The following GRID2 variants were observed in gnomAD, a reference collection of about 807,000 sequenced individuals.
GRID2 encodes glutamate ionotropic receptor delta type subunit 2.
A neutral mutation model predicts 114.8 loss-of-function variants in GRID2; 33 were observed. The observed-to-expected ratio is 0.29, with a 90% CI of 0.22 to 0.38. The LOEUF (loss-of-function observed/expected upper bound fraction) is 0.38, where lower values mean the gene tolerates loss of function less well. Ranked by LOEUF, GRID2 falls within the 10% of genes least tolerant of loss-of-function variation. The pLI is 1.00. For missense variants in GRID2, 1,184 were observed against 1,257.7 expected (o/e 0.94, Z 0.89); for synonymous variants, 505 against 449.9 (o/e 1.12, Z -1.55).
chr4:92,531,098 AAAAAT>A lies in GRID2; in HGVS notation c.89-59023_89-59019del, dbSNP rs891564578. Among the ~76,000 whole-genome samples, 43 of 152,272 alleles carry A rather than the reference AAAAAT, an allele frequency of 2.8e-4. No homozygotes were observed. In the South Asian group the frequency reaches 5.0e-3, roughly 18 times the overall value. Reference sequence around the variant, plus strand: ...CCTTGGATTTTATTTAAAATCAAACAAAAATAAAATAAAAAAACTTTGTGGGGGGA... The same window carrying A: ...CCTTGGATTTTATTTAAAATCAAACAAAAATAAAAAAACTTTGTGGGGGGA... On this transcript the variant is annotated intron_variant, in intron 1 of 15. Transcript: ENST00000282020.
At chr4:92,998,569 C>A (rs1256898974) in intron 2 of GRID2, among the ~76,000 whole-genome samples, 1 of 151,760 alleles carries the variant, frequency 6.6e-6, no homozygotes, top group Non-Finnish European at 1.5e-5. Flanking sequence ...AATTGATTTT[C>A]TTTGGCATGT....
At chr4:92,558,712 T>C (rs1726979846) in intron 1 of GRID2, among the ~76,000 whole-genome samples, 1 of 152,170 alleles carries the variant, frequency 6.6e-6, no homozygotes, top group Non-Finnish European at 1.5e-5. Flanking sequence ...TAGGGTTATC[T>C]ATCTGTGAAC....
intron 13 of GRID2, among the ~76,000 whole-genome samples, chr4:93,621,788 A>T (rs28516024): frequency 0.025 from 3,804 of 152,310 alleles, 172 homozygotes; most frequent in African/African-American, 0.087. Flanking sequence ...GCAACCTTTC[A>T]TTGCCATTGC....
chr4:92,856,649 G>T (rs1237070492), intron 2 of GRID2, among the ~76,000 whole-genome samples: 1 of 152,074 alleles, frequency 6.6e-6, no homozygotes, highest in Non-Finnish European at 1.5e-5. Context: ...TAAGTTAAAG[G>T]ATATCACTGT....
intron 8 of GRID2, among the ~76,000 whole-genome samples, chr4:93,262,157 T>C (rs1750325857): frequency 6.6e-6 from 1 of 151,852 alleles, no homozygotes; most frequent in African/African-American, 2.4e-5. Context: ...GTTACTATAT[T>C]TGAGCTTAAG....
intron 2 of GRID2, among the ~76,000 whole-genome samples, chr4:93,004,163 G>T (rs1263248950): frequency 6.6e-6 from 1 of 151,760 alleles, no homozygotes; most frequent in African/African-American, 2.4e-5. Context: ...GCTGATAAAA[G>T]ATTATGAACC....
intron 2 of GRID2, among the ~76,000 whole-genome samples, chr4:92,669,927 A>G (rs1732974015): frequency 1.3e-5 from 2 of 152,040 alleles, no homozygotes; most frequent in Admixed American, 1.3e-4. Flanking sequence ...GAACTTCCAG[A>G]TATATTCTGT....
At chr4:93,356,600 T>C (rs1202750211) in intron 8 of GRID2, among the ~76,000 whole-genome samples, 1 of 151,904 alleles carries the variant, frequency 6.6e-6, no homozygotes, top group Non-Finnish European at 1.5e-5. Context: ...AATTAAACAG[T>C]TATGAAAACT....
chr4:93,295,095 G>A (rs1020453453), intron 8 of GRID2, among the ~76,000 whole-genome samples: 1 of 152,264 alleles, frequency 6.6e-6, no homozygotes, highest in Middle Eastern at 3.4e-3. Flanking sequence ...TAAATCTTAT[G>A]TTAAAATGCC....
rs145751475 is a variant in GRID2, at chr4:93,162,245, A to G, written c.736-45159A>G. ...TTTATCAGAATTGTAATAAGTTACC[A>G]TAAATTAACACTGAATATGAAGACA... On this transcript the variant is annotated intron_variant, in intron 4 of 15. Coordinates refer to ENST00000282020, the MANE Select transcript of GRID2 (RefSeq NM_001510.4). Among the ~76,000 whole-genome samples, 655 of 152,112 alleles carry G rather than the reference A, an allele frequency of 4.3e-3. 9 individuals carry two copies. The highest frequency in any genetic ancestry group is 0.015 in the African/African-American group (632 of 41,558).
At chr4:93,274,516 G>A (rs1053315584) in intron 8 of GRID2, among the ~76,000 whole-genome samples, 4 of 152,074 alleles carry the variant, frequency 2.6e-5, no homozygotes, top group Admixed American at 6.6e-5. Flanking sequence ...GTCTCATACT[G>A]CATGTGGGTA....
At chr4:93,461,112 ACCTTTCTATCC>A (rs1347284243) in intron 11 of GRID2, among the ~76,000 whole-genome samples, 1 of 152,198 alleles carries the variant, frequency 6.6e-6, no homozygotes, top group Non-Finnish European at 1.5e-5. Context: ...TATGTTAAAT[ACCTTTCTATCC>A]CACTGCTCCC....
intron 1 of GRID2, among the ~76,000 whole-genome samples, chr4:92,572,034 A>G (rs1727649300): frequency 6.6e-6 from 1 of 152,220 alleles, no homozygotes; most frequent in Non-Finnish European, 1.5e-5. Context: ...AACTAAGATC[A>G]GAGCAGAACT....
intron 2 of GRID2, among the ~76,000 whole-genome samples, chr4:92,850,488 T>C (rs1481399917): frequency 5.9e-5 from 9 of 151,966 alleles, no homozygotes; most frequent in African/African-American, 2.2e-4. Flanking sequence ...GACATAGATA[T>C]GGTTTTATTT....
chr4:92,671,946 C>T (rs1733096561), intron 2 of GRID2, among the ~76,000 whole-genome samples: 2 of 152,034 alleles, frequency 1.3e-5, no homozygotes, highest in African/African-American at 4.8e-5. Flanking sequence ...CTCTTACATA[C>T]TGATTGCTTG....
chr4:93,780,713 G>A (rs1417963785), intron 1 of GRID2, among the ~76,000 whole-genome samples: 1 of 152,208 alleles, frequency 6.6e-6, no homozygotes, highest in Admixed American at 6.5e-5. Context: ...CTGAAGCTGG[G>A]CTGGCGCTCA....
intron 10 of GRID2, among the ~76,000 whole-genome samples, chr4:93,443,723 T>G (rs1721829970): frequency 6.6e-6 from 1 of 151,670 alleles, no homozygotes; most frequent in Non-Finnish European, 1.5e-5. Flanking sequence ...AAGGTCAGAG[T>G]GCCTGGCTAA....
At chr4:92,593,745 T>C (rs1281310887) in intron 2 of GRID2, among the ~76,000 whole-genome samples, 1 of 151,838 alleles carries the variant, frequency 6.6e-6, no homozygotes, top group African/African-American at 2.4e-5. Flanking sequence ...TCCTTTCTTA[T>C]GAATGTATTT....
chr4:93,204,238 G>T (rs1405742486), intron 4 of GRID2, among the ~76,000 whole-genome samples: 1 of 151,976 alleles, frequency 6.6e-6, no homozygotes, highest in East Asian at 1.9e-4. Flanking sequence ...TAGAATAGTT[G>T]GTCCAATAGA....
Sources: gnomAD v4.1 joint callset for allele counts (sites outside exome capture counted in the v4.1 genomes callset) on GRCh38, gnomAD v4.1.1 for gene constraint, MANE v1.5 for transcripts, NCBI Gene and HGNC (gene_info 2026-07-23, HGNC 2026-07-21) for gene names.